Variants in KYNU observed in about 807,000 individuals in gnomAD.
KYNU encodes the protein kynureninase, also known as L-kynurenine hydrolase.
KYNU carries 54 observed loss-of-function variants against 59.2 expected under a neutral mutation model. That is an observed-to-expected ratio of 0.91 (90% CI 0.73 to 1.14). KYNU has a LOEUF of 1.14. Among genes scored for constraint, KYNU ranks in the 50% most tolerant of loss-of-function variants. The pLI, the probability that KYNU is intolerant of heterozygous loss-of-function variation, is 0.00. For synonymous variants in KYNU, 177 were observed against 192.0 expected (o/e 0.92, Z 0.65); for missense variants, 567 against 554.4 (o/e 1.02, Z -0.23).
intron 10 of KYNU, among the ~76,000 whole-genome samples, chr2:142,998,462 A>G (rs933732624): frequency 1.3e-4 from 20 of 152,112 alleles, no homozygotes; most frequent in Non-Finnish European, 2.5e-4. Context: ...TGTGCAATGT[A>G]TTTCGTGTTT....
chr2:142,957,762 A>T (rs113013322), intron 7 of KYNU, 47 bp downstream of exon 7: 1 of 1,223,928 alleles, frequency 8.2e-7, no homozygotes, highest in East Asian at 2.3e-5. Context: ...TTTAGTATTG[A>T]TTTTTTTCTT....
intron 10 of KYNU, among the ~76,000 whole-genome samples, chr2:143,028,387 G>T (rs7599220): frequency 0.64 from 96,048 of 149,116 alleles, 31,908 homozygotes; most frequent in Middle Eastern, 0.74. Flanking sequence ...GGGACTACAG[G>T]TGTATGCCAC....
At position 142,930,863 on chromosome 2, in the gene KYNU, C is replaced by T. The variant is rs115820550; in HGVS notation, c.373+3122C>T. On this transcript the variant is annotated intron_variant, in intron 4 of 13. Transcript: ENST00000264170. ...AAGGTTTCTGTATCGGTTTGAACCC[C>T]GAGAGCACGTCAATAGACAACACGA... 4.8e-3 allele frequency among the ~76,000 whole-genome samples: 738 copies of T among 152,284 alleles called. 3 individuals carry two copies. The highest frequency in any genetic ancestry group is 0.017 in the African/African-American group (697 of 41,564).
intron 11 of KYNU, among the ~76,000 whole-genome samples, chr2:143,031,541 T>C (rs1001255605): frequency 2.0e-5 from 3 of 151,466 alleles, no homozygotes; most frequent in Non-Finnish European, 4.4e-5. Flanking sequence ...CTGGGTGACA[T>C]AGTGAGACCT....
chr2:142,954,616 T>G (rs567731943), intron 4 of KYNU, among the ~76,000 whole-genome samples, 194 bp from the exon 5 acceptor site: 39 of 152,198 alleles, frequency 2.6e-4, no homozygotes, highest in Admixed American at 1.3e-4. Context: ...TAGCTAGCTG[T>G]GTGCATCTAA....
At chr2:142,929,007 C>CAAA (rs761809423) in intron 4 of KYNU, among the ~76,000 whole-genome samples, 491 of 48,280 alleles carry the variant, frequency 0.01, 45 homozygotes, top group African/African-American at 0.024. Context: ...CACCCTGTCT[C>CAAA]AAAAAAAAAA....
At chr2:142,933,906 G>A (rs1683303709) in intron 4 of KYNU, among the ~76,000 whole-genome samples, 2 of 152,102 alleles carry the variant, frequency 1.3e-5, no homozygotes, top group African/African-American at 4.8e-5. Context: ...AAGAGGTTTT[G>A]GGAATCAAGG....
chr2:142,961,294 T>G (rs1209539945), intron 8 of KYNU, among the ~76,000 whole-genome samples: 2 of 145,530 alleles, frequency 1.4e-5, no homozygotes, highest in Admixed American at 6.8e-5. Context: ...TTTTTTTTTT[T>G]TTTTTGCCAC....
chr2:142,932,707 G>A (rs1227406938), intron 4 of KYNU, among the ~76,000 whole-genome samples: 1 of 143,214 alleles, frequency 7.0e-6, no homozygotes, highest in South Asian at 2.3e-4. Context: ...AATGAGTTCA[G>A]CTTTTGGGAG....
chr2:143,001,283 A>G (rs1411055703), intron 10 of KYNU, among the ~76,000 whole-genome samples: 2 of 152,138 alleles, frequency 1.3e-5, no homozygotes, highest in African/African-American at 4.8e-5. Flanking sequence ...CTCACACCCA[A>G]TAGACTTTAA....
At chr2:143,031,383 G>A (rs1295613341) in intron 11 of KYNU, among the ~76,000 whole-genome samples, 1 of 152,166 alleles carries the variant, frequency 6.6e-6, no homozygotes, top group Non-Finnish European at 1.5e-5. Flanking sequence ...AGCAGCCATA[G>A]GTGATACATA....
intron 3 of KYNU, among the ~76,000 whole-genome samples, chr2:142,923,210 T>C (rs1485819499): frequency 6.6e-6 from 1 of 152,238 alleles, no homozygotes; most frequent in East Asian, 1.9e-4. Context: ...CTTACACTTA[T>C]TTAAGGAAAA....
At chr2:143,034,669 G>T (rs949028063) in intron 12 of KYNU, among the ~76,000 whole-genome samples, 1 of 152,132 alleles carries the variant, frequency 6.6e-6, no homozygotes, top group Non-Finnish European at 1.5e-5. Context: ...ATATATTTTT[G>T]ACAGTTTTTT....
chr2:142,996,563 A>G (rs540696668), intron 10 of KYNU, among the ~76,000 whole-genome samples: 5 of 152,092 alleles, frequency 3.3e-5, no homozygotes, highest in Non-Finnish European at 7.4e-5. Flanking sequence ...ATGTTGGGAG[A>G]ACCTTACAAA....
At chr2:142,987,321 TGG>T (rs35008823) in intron 10 of KYNU, among the ~76,000 whole-genome samples, 1 of 150,400 alleles carries the variant, frequency 6.6e-6, no homozygotes, top group Admixed American at 6.7e-5. Flanking sequence ...GGAGGTGGGG[TGG>T]GGGGGAAGAA....
chr2:143,012,330 A>G (rs975722582), intron 10 of KYNU, among the ~76,000 whole-genome samples: 10 of 151,878 alleles, frequency 6.6e-5, no homozygotes, highest in Non-Finnish European at 1.2e-4. Context: ...AAAAATACAA[A>G]AAGTTAGCTG....
intron 12 of KYNU, among the ~76,000 whole-genome samples, chr2:143,037,727 AT>A (rs1294513756): frequency 6.6e-6 from 1 of 152,154 alleles, no homozygotes; most frequent in Non-Finnish European, 1.5e-5. Flanking sequence ...CACAGTTTTC[AT>A]TTTTTCTAAT....
chr2:142,883,396 C>T (rs1681376338), intron 1 of KYNU, among the ~76,000 whole-genome samples: 1 of 151,706 alleles, frequency 6.6e-6, no homozygotes, highest in Admixed American at 6.6e-5. Flanking sequence ...GACGGGGCTT[C>T]ACCGTGTTAG....
chr2:143,031,023 C>T (rs1041085219), intron 11 of KYNU, among the ~76,000 whole-genome samples: 2 of 152,160 alleles, frequency 1.3e-5, no homozygotes, highest in African/African-American at 4.8e-5. Context: ...ATGGCTTCTA[C>T]TTAAGATGTA....
Sources: allele counts gnomAD v4.1 joint callset (sites outside exome capture counted in the v4.1 genomes callset), GRCh38; gene constraint gnomAD v4.1.1; transcripts MANE v1.5; gene names NCBI Gene and HGNC (gene_info 2026-07-23, HGNC 2026-07-21).